The following KLF4 variants were observed in gnomAD, a reference collection of about 807,000 sequenced individuals.
KLF4 encodes KLF transcription factor 4, also known as Krueppel-like factor 4.
KLF4 carries 14 observed loss-of-function variants against 38.0 expected under a neutral mutation model. The observed-to-expected ratio is 0.37, with a 90% CI of 0.24 to 0.58. The LOEUF is 0.58. Among genes scored for constraint, KLF4 ranks in the 20% least tolerant of loss-of-function variants. The pLI is 0.76. For missense variants in KLF4, 737 were observed against 670.1 expected (o/e 1.10, Z -1.10); for synonymous variants, 398 against 302.5 (o/e 1.32, Z -3.28).
intron 4 of KLF4, among the ~76,000 whole-genome samples, chr9:107,486,273 T>C (rs763755713): frequency 5.9e-4 from 90 of 152,170 alleles, no homozygotes; most frequent in Non-Finnish European, 9.7e-4. Context: ...GAAATTGTGA[T>C]TGGTAGTGTG....
Position 107,488,853 on chromosome 9 carries a change from AC to A in KLF4, c.126+76del. On this transcript the variant is annotated intron_variant, in intron 2 of 4. Coordinates refer to ENST00000374672, the MANE Select transcript of KLF4 (RefSeq NM_004235.6). This position sits in a 1 kb window ranked among gnomAD's most constrained non-coding sequence, Gnocchi z 5.7. ...TACCCTCGTTCAGTGGCTCTTGGTG[AC>A]CCCAAGGCTCCGCCCGCCCCCACCA... 1 of 1,495,126 alleles carries A rather than the reference AC, an allele frequency of 6.7e-7. No individual in the cohort carries two copies. The highest frequency in any genetic ancestry group is 9.0e-7 in the Non-Finnish European group (1 of 1,113,860). The allele number at this position is 1,495,126 out of a possible 1,614,324, so 92.6% of individuals were successfully genotyped here.
rs1334224536 is a variant in KLF4 at position 107,489,620 on chromosome 9, T to G, written c.-448A>C. 2 of 117,894 alleles carry G rather than the reference T, an allele frequency of 1.7e-5. No individual in the cohort carries two copies. Among genetic ancestry groups the G allele is most frequent in the Non-Finnish European group, 2.9e-5 (2 of 69,046 alleles). The allele number at this position is 117,894 out of a possible 1,614,324, so 7.3% of individuals were successfully genotyped here. On this transcript the variant is annotated 5_prime_UTR_variant, in exon 1 of 5. An upstream start codon of the reference 5' UTR is lost. Coordinates refer to ENST00000374672, the MANE Select transcript of KLF4 (RefSeq NM_004235.6). Reference sequence around the variant, plus strand: ...GAGTTGTGTGGAGCGCGCGCGGCCATGGGCGCGGGCCACGGGCGGGTGGGA... The same window carrying G: ...GAGTTGTGTGGAGCGCGCGCGGCCAGGGGCGCGGGCCACGGGCGGGTGGGA...
intron 1 of KLF4, 39 bp from the exon 2 acceptor site, chr9:107,489,089 G>C (rs1287713713): frequency 1.9e-6 from 3 of 1,550,658 alleles, no homozygotes; most frequent in Non-Finnish European, 1.7e-6. Context: ...GAGAGTCAGG[G>C]GCGGCTTTCG....
Position 107,485,845 on chromosome 9 carries a change from T to C in KLF4, c.1346A>G (p.Lys449Arg). The change falls in exon 5 of 5, where the codon AAA becomes AGA. Residue 449 changes from lysine to arginine, a missense_variant. Lys to Arg is a conservative substitution (Grantham distance 26). Around this residue, in one of 2 missense-constraint regions of KLF4, gnomAD observed 42 missense variants for 115.5 expected, o/e 0.36. Transcript: ENST00000374672. This position sits in a 1 kb window ranked among gnomAD's most constrained non-coding sequence, Gnocchi z 4.9. ...RSDELTRHYR[K>R]HTGHRPFQCQ... ...CTGGAACGGGCGGTGCCCCGTGTGT[T>C]TACGGTAGTGCCTGGTCAGTTCATC... 1 of 1,612,938 alleles carries C rather than the reference T, an allele frequency of 6.2e-7. No homozygotes were observed. The highest frequency in any genetic ancestry group is 8.5e-7 in the Non-Finnish European group (1 of 1,179,690).
rs564652502 is a variant in KLF4 at position 107,485,848 on chromosome 9, C to T, written c.1343G>A (p.Arg448His). The T allele has an allele frequency of 6.2e-7, 1 of 1,612,640 alleles. No individual in the cohort carries two copies. The highest frequency in any genetic ancestry group is 1.3e-5 in the African/African-American group (1 of 74,954). ...ARSDELTRHY[R>H]KHTGHRPFQC... is the part of the protein sequence containing the mutation. ...GAACGGGCGGTGCCCCGTGTGTTTA[C>T]GGTAGTGCCTGGTCAGTTCATCTGA... The change falls in exon 5 of 5, where the codon CGT becomes CAT. Residue 448 changes from arginine to histidine, a missense_variant. Coordinates refer to ENST00000374672, the MANE Select transcript of KLF4 (RefSeq NM_004235.6). This position sits in a 1 kb window ranked among gnomAD's most constrained non-coding sequence, Gnocchi z 4.9.
chr9:107,485,524 T>C lies in KLF4; in HGVS notation c.*227A>G, dbSNP rs1445203579. 2 of 457,408 alleles carry C rather than the reference T, an allele frequency of 4.4e-6. No individual in the cohort carries two copies. Among genetic ancestry groups the C allele is most frequent in the African/African-American group, 2.0e-5 (1 of 49,138 alleles). 28.3% of individuals were successfully genotyped at this position (457,408 alleles called of 1,614,324 possible). ...AGGAATATTCAAGTCGGATTTAGAA[T>C]TGGAATGATAGAAGATCCAGTCACA... On this transcript the variant is annotated 3_prime_UTR_variant, in exon 5 of 5. Transcript: ENST00000374672. The surrounding 1 kb of genome is among the most constrained non-coding windows in gnomAD (Gnocchi z 4.9).
chr9:107,489,182 G>T lies in KLF4; in HGVS notation c.-10C>A. 1.3e-6 allele frequency: 2 copies of T among 1,505,602 alleles called. No homozygotes were observed. The highest frequency in any genetic ancestry group is 1.8e-6 in the Non-Finnish European group (2 of 1,123,194). 93.3% of individuals were successfully genotyped at this position (1,505,602 alleles called of 1,614,324 possible). ...GCCTCACCTACCTCATTAATGTGGG[G>T]GCCCAGAAGGTCCTCGGCAGCCCGA... On this transcript the variant is annotated 5_prime_UTR_variant, in exon 1 of 5. Coordinates refer to ENST00000374672, the MANE Select transcript of KLF4 (RefSeq NM_004235.6).
In KLF4 at chr9:107,487,022, C is replaced by T. The variant is rs2133187120; in HGVS notation, c.1264+6G>A. 2 of 1,614,140 alleles carry T rather than the reference C, an allele frequency of 1.2e-6. No individual in the cohort carries two copies. Among genetic ancestry groups the T allele is most frequent in the South Asian group, 1.1e-5 (1 of 91,080 alleles). On this transcript the variant is annotated splice_donor_region_variant and intron_variant, in intron 4 of 4. Transcript: ENST00000374672. This position sits in a 1 kb window ranked among gnomAD's most constrained non-coding sequence, Gnocchi z 6.1. Reference sequence around the variant, plus strand: ...CCCCCCTCCCTTCTGCAGTTTGTCCCCCTACCTGTGTGGGTTCGCAGGTGT... The same window carrying T: ...CCCCCCTCCCTTCTGCAGTTTGTCCTCCTACCTGTGTGGGTTCGCAGGTGT...
chr9:107,488,557 T>G lies in KLF4; in HGVS notation c.127-290A>C. ...CAGGTCCCGTGGACGTCCCCGGAAT[T>G]GGCACACCGAGGCTCTCTCGGTGCG... On this transcript the variant is annotated intron_variant, in intron 2 of 4. Coordinates refer to ENST00000374672, the MANE Select transcript of KLF4 (RefSeq NM_004235.6). This position sits in a 1 kb window ranked among gnomAD's most constrained non-coding sequence, Gnocchi z 5.7. 1 of 489,238 alleles carries G rather than the reference T, an allele frequency of 2.0e-6. No individual in the cohort carries two copies. The highest frequency in any genetic ancestry group is 3.6e-6 in the Non-Finnish European group (1 of 280,052). The allele number at this position is 489,238 out of a possible 1,614,324, so 30.3% of individuals were successfully genotyped here.
rs1014132628 is a variant in KLF4, at chr9:107,489,483, G to A, written c.-311C>T. 4.3e-5 allele frequency: 15 copies of A among 350,604 alleles called. No individual in the cohort carries two copies. The highest frequency in any genetic ancestry group is 6.6e-5 in the Non-Finnish European group (13 of 195,798). 21.7% of individuals were successfully genotyped at this position (350,604 alleles called of 1,614,324 possible). ...TGTCGCGGTCGCCTCGAGTGCTGCCGTGGGCGCAGGGGCTGTGGCCGGGGC... is the reference window on the plus strand; with the variant it reads ...TGTCGCGGTCGCCTCGAGTGCTGCCATGGGCGCAGGGGCTGTGGCCGGGGC... On this transcript the variant is annotated 5_prime_UTR_variant, in exon 1 of 5. In the 5' UTR this introduces an upstream ATG that the reference lacks. Transcript: ENST00000374672.
In KLF4 at chr9:107,488,666, C is replaced by G. The variant is rs1255820879; in HGVS notation, c.126+264G>C. On this transcript the variant is annotated intron_variant, in intron 2 of 4. Coordinates refer to ENST00000374672, the MANE Select transcript of KLF4 (RefSeq NM_004235.6). The surrounding 1 kb of genome is among the most constrained non-coding windows in gnomAD (Gnocchi z 5.7). ...ACGCGGCCACCTCCCGCCCGGTGGC[C>G]CGAGAGCGCCCGCCCTACCGACAGC... Among the ~76,000 whole-genome samples, 1 of 152,150 alleles carries G rather than the reference C, an allele frequency of 6.6e-6. No homozygotes were observed. The highest frequency in any genetic ancestry group is 1.5e-5 in the Non-Finnish European group (1 of 68,006).
In KLF4 at chr9:107,488,535, G is replaced by T. The variant is rs1334891639; in HGVS notation, c.127-268C>A. 2 of 537,896 alleles carry T rather than the reference G, an allele frequency of 3.7e-6. No homozygotes were observed. Among genetic ancestry groups the T allele is most frequent in the African/African-American group, 2.0e-5 (1 of 51,268 alleles). 33.3% of individuals were successfully genotyped at this position (537,896 alleles called of 1,614,324 possible). A position where few individuals can be genotyped will look rare whatever the true frequency, so the allele number is the denominator to read the frequency against. ...CCGCGGCTGGTCCCTCCCCCTCCAG[G>T]TCCCGTGGACGTCCCCGGAATTGGC... is the stretch of plus-strand genomic sequence containing the variant. On this transcript the variant is annotated intron_variant, in intron 2 of 4. Transcript: ENST00000374672. The surrounding 1 kb of genome is among the most constrained non-coding windows in gnomAD (Gnocchi z 5.7).
Position 107,488,488 on chromosome 9 carries a change from C to T in KLF4, c.127-221G>A. 1.3e-6 allele frequency: 1 copy of T among 785,110 alleles called. No homozygotes were observed. Among genetic ancestry groups the T allele is most frequent in the Non-Finnish European group, 1.9e-6 (1 of 520,182 alleles). 48.6% of individuals were successfully genotyped at this position (785,110 alleles called of 1,614,324 possible). A position where few individuals can be genotyped will look rare whatever the true frequency, so the allele number is the denominator to read the frequency against. On this transcript the variant is annotated intron_variant, in intron 2 of 4. Transcript: ENST00000374672. The surrounding 1 kb of genome is among the most constrained non-coding windows in gnomAD (Gnocchi z 5.7). Reference sequence around the variant, plus strand: ...TATTGCGGGTGTTATGTCCTGTCTGCCCAATTGCGTGTGAGCGAGCGCCGC... The same window carrying T: ...TATTGCGGGTGTTATGTCCTGTCTGTCCAATTGCGTGTGAGCGAGCGCCGC...
In KLF4 at chr9:107,489,717, C is replaced by T. The variant is rs1160467032; in HGVS notation, c.-545G>A. On this transcript the variant is annotated 5_prime_UTR_variant, in exon 1 of 5. Transcript: ENST00000374672. ...GTGCCGCCGCCGCCCGCCACCGCCT[C>T]TGCTCCCCGCGCGCCCGCAGACACG... 1 of 208,790 alleles carries T rather than the reference C, an allele frequency of 4.8e-6. No homozygotes were observed. Among genetic ancestry groups the T allele is most frequent in the Non-Finnish European group, 9.8e-6 (1 of 102,498 alleles). The allele number at this position is 208,790 out of a possible 1,614,324, so 12.9% of individuals were successfully genotyped here.
At position 107,488,324 on chromosome 9, in the gene KLF4, A is replaced by G. The variant is rs1829125679; in HGVS notation, c.127-57T>C. The G allele has an allele frequency of 6.7e-7, 1 of 1,488,288 alleles. No individual in the cohort carries two copies. The highest frequency in any genetic ancestry group is 2.5e-5 in the East Asian group (1 of 40,804). The allele number at this position is 1,488,288 out of a possible 1,614,324, so 92.2% of individuals were successfully genotyped here. Reference sequence around the variant, plus strand: ...TGGTGGTCCCCTGTTGCCACCCGACATACTGACGTGCTGGCGGGCCACGCG... The same window carrying G: ...TGGTGGTCCCCTGTTGCCACCCGACGTACTGACGTGCTGGCGGGCCACGCG... On this transcript the variant is annotated intron_variant, in intron 2 of 4. Coordinates refer to ENST00000374672, the MANE Select transcript of KLF4 (RefSeq NM_004235.6). The surrounding 1 kb of genome is among the most constrained non-coding windows in gnomAD (Gnocchi z 5.7).
rs1326044582 is a variant in KLF4, at chr9:107,487,504, C to T, written c.890G>A (p.Gly297Asp). ...GAAGTCGTGTGCAGCCGGCCGGTGG[C>T]CATTGCTGAGAGGGGGTCCAGCGCC... ...HLGAGPPLSN[G>D]HRPAAHDFPL... Residue 297 changes from glycine to aspartate, a missense_variant, in exon 3 of 5, where the codon GGC becomes GAC. By Grantham distance (94) the Gly-to-Asp change is moderately conservative. Around this residue, in one of 2 missense-constraint regions of KLF4, gnomAD observed 695 missense variants for 554.5 expected, o/e 1.25. Transcript: ENST00000374672. This position sits in a 1 kb window ranked among gnomAD's most constrained non-coding sequence, Gnocchi z 6.1. The T allele has an allele frequency of 3.2e-6, 5 of 1,544,936 alleles. No homozygotes were observed. Among genetic ancestry groups the T allele is most frequent in the Admixed American group, 4.0e-5 (2 of 50,216 alleles).
In KLF4 at chr9:107,488,438, G is replaced by T. The variant is rs972376828; in HGVS notation, c.127-171C>A. 1 of 1,198,204 alleles carries T rather than the reference G, an allele frequency of 8.3e-7. No homozygotes were observed. Among genetic ancestry groups the T allele is most frequent in the Non-Finnish European group, 1.1e-6 (1 of 884,486 alleles). 74.2% of individuals were successfully genotyped at this position (1,198,204 alleles called of 1,614,324 possible). ...GCGCTGCAATCTCGGCCCACTCCCG[G>T]GTCGAAGAAGAGGTGATGCGTCTGT... On this transcript the variant is annotated intron_variant, in intron 2 of 4. Coordinates refer to ENST00000374672, the MANE Select transcript of KLF4 (RefSeq NM_004235.6). This position sits in a 1 kb window ranked among gnomAD's most constrained non-coding sequence, Gnocchi z 5.7.
chr9:107,487,297 T>A lies in KLF4; in HGVS notation c.1097A>T (p.Gln366Leu). The A allele has an allele frequency of 2.5e-6, 4 of 1,586,132 alleles. No individual in the cohort carries two copies. The highest frequency in any genetic ancestry group is 3.4e-6 in the Non-Finnish European group (4 of 1,165,392). ...MQPQVPPLHY[Q>L]ELMPPGSCMP... ...AGCTACAAATCCCCGGGACTGACCT[T>A]GGTAATGGAGCGGCGGGACTTGCGG... Residue 366 changes from glutamine (Q) to leucine (L), a missense_variant and splice_region_variant, in exon 3 of 5, where the codon CAA (glutamine) becomes CTA (leucine). By Grantham distance (113) the Gln-to-Leu change is moderately radical. This residue lies in a region of KLF4 where 695 missense variants were observed against 554.5 expected (regional missense o/e 1.25). Transcript: ENST00000374672. The surrounding 1 kb of genome is among the most constrained non-coding windows in gnomAD (Gnocchi z 6.1).
chr9:107,488,308 C>T lies in KLF4; in HGVS notation c.127-41G>A, dbSNP rs118031930. ...GGGAGAGACCTGTCAGTGGTGGTCC[C>T]CTGTTGCCACCCGACATACTGACGT... On this transcript the variant is annotated intron_variant, in intron 2 of 4. Coordinates refer to ENST00000374672, the MANE Select transcript of KLF4 (RefSeq NM_004235.6). The surrounding 1 kb of genome is among the most constrained non-coding windows in gnomAD (Gnocchi z 5.7). 20,227 of 1,516,080 alleles carry T rather than the reference C, an allele frequency of 0.013. 175 individuals carry two copies. Among genetic ancestry groups the T allele is most frequent in the Middle Eastern group, 0.035 (145 of 4,172 alleles). The allele number at this position is 1,516,080 out of a possible 1,614,324, so 93.9% of individuals were successfully genotyped here.
Sources: gnomAD v4.1 joint callset for allele counts (sites outside exome capture counted in the v4.1 genomes callset) on GRCh38, gnomAD v4.1.1 for gene constraint, gnomAD v4.1.1 regional missense constraint, Gnocchi (gnomAD v3.1) non-coding constraint, MANE v1.5 for transcripts, NCBI Gene and HGNC (gene_info 2026-07-23, HGNC 2026-07-21) for gene names.